Variants in PTCD2 observed in about 807,000 individuals in gnomAD.
PTCD2 encodes the protein pentatricopeptide repeat domain 2, also known as pentatricopeptide repeat-containing protein 2, mitochondrial.
Under a neutral mutation model 42.6 loss-of-function variants are expected in PTCD2, and 31 were observed. The ratio of observed to expected loss-of-function variants is 0.73; its 90% CI spans 0.55 to 0.98. The LOEUF is 0.98. Among genes scored for constraint, PTCD2 ranks in the 50% least tolerant of loss-of-function variants. PTCD2 has a pLI of 0.00. For missense variants in PTCD2, 476 were observed against 454.8 expected, an observed-to-expected ratio of 1.05 and a Z score of -0.42; for synonymous variants, 183 against 170.9, an observed-to-expected ratio of 1.07 and a Z score of -0.55.
At chr5:72,347,129 C>G (rs1274372859) in intron 8 of PTCD2, among the ~76,000 whole-genome samples, 1 of 152,116 alleles carries the variant, frequency 6.6e-6, no homozygotes, top group Non-Finnish European at 1.5e-5. Flanking sequence ...GTTCTCCCAA[C>G]TAAATAAATA....
At chr5:72,322,875 T>C (rs1750936308) in intron 2 of PTCD2, among the ~76,000 whole-genome samples, 1 of 152,200 alleles carries the variant, frequency 6.6e-6, no homozygotes, top group African/African-American at 2.4e-5. Context: ...AGGATTTGGC[T>C]GGGCATGATG....
chr5:72,340,956 T>G (rs1280563510), intron 7 of PTCD2, among the ~76,000 whole-genome samples: 3 of 131,508 alleles, frequency 2.3e-5, no homozygotes, highest in Non-Finnish European at 4.7e-5. Flanking sequence ...CCAGTTATTT[T>G]CTTTTCTTTT....
intron 7 of PTCD2, among the ~76,000 whole-genome samples, chr5:72,340,952 ATTTTC>A (rs1208400046): frequency 7.7e-6 from 1 of 130,152 alleles, no homozygotes; most frequent in Admixed American, 7.8e-5. Context: ...TCGGCCAGTT[ATTTTC>A]TTTTCTTTTC....
intron 6 of PTCD2, among the ~76,000 whole-genome samples, chr5:72,337,984 G>A (rs1243102850): frequency 6.6e-6 from 1 of 152,112 alleles, no homozygotes; most frequent in African/African-American, 2.4e-5. Context: ...ATTTTGACAG[G>A]AGTTGCAACT....
intron 4 of PTCD2, 37 bp downstream of exon 4, chr5:72,331,412 G>A (rs914176966): frequency 7.2e-6 from 10 of 1,387,432 alleles, no homozygotes; most frequent in Admixed American, 1.7e-5. Flanking sequence ...GCCAATGTGT[G>A]TGTTTTTGGT....
intron 3 of PTCD2, among the ~76,000 whole-genome samples, chr5:72,327,162 C>A (rs1034977170): frequency 1.3e-5 from 2 of 152,172 alleles, no homozygotes; most frequent in African/African-American, 2.4e-5. Flanking sequence ...CCTCTTGGTT[C>A]TACTTCCTTG....
rs1438870191 is a variant in PTCD2, at chr5:72,367,356, A to AGATGACTT, written c.*8930_*8937dup. ...AAGAAAGGACAGATGCCCTTGTTCA[A>AGATGACTT]GATGACTTCTTCATGGGCATCGATA... On this transcript the variant is annotated 3_prime_UTR_variant, in exon 10 of 10. Coordinates refer to ENST00000380639, the MANE Select transcript of PTCD2 (RefSeq NM_024754.5). The AGATGACTT allele has an allele frequency of 6.6e-6, 1 of 152,266 alleles. No individual in the cohort carries two copies. Among genetic ancestry groups the AGATGACTT allele is most frequent in the Admixed American group, 6.5e-5 (1 of 15,286 alleles). The allele number at this position is 152,266 out of a possible 1,614,324, so 9.4% of individuals were successfully genotyped here.
intron 8 of PTCD2, among the ~76,000 whole-genome samples, chr5:72,346,035 G>A (rs1434551389): frequency 6.6e-6 from 1 of 152,170 alleles, no homozygotes; most frequent in Non-Finnish European, 1.5e-5. Context: ...AGTATTTATG[G>A]TAAATTTTGG....
intron 3 of PTCD2, among the ~76,000 whole-genome samples, chr5:72,326,989 C>A (rs1751175428): frequency 6.6e-6 from 1 of 152,190 alleles, no homozygotes; most frequent in African/African-American, 2.4e-5. Context: ...AAAGAAGTTA[C>A]CAGCCTATCA....
chr5:72,348,363 A>G (rs563998635), intron 8 of PTCD2, among the ~76,000 whole-genome samples: 2 of 152,328 alleles, frequency 1.3e-5, no homozygotes, highest in Admixed American at 6.5e-5. Flanking sequence ...TTTTTCTGAT[A>G]TACTTTAAAA....
At chr5:72,334,941 A>G (rs184596563) in intron 4 of PTCD2, 77 bp from the exon 5 acceptor site, 204 of 836,290 alleles carry the variant, frequency 2.4e-4, no homozygotes, top group African/African-American at 2.4e-3. Flanking sequence ...AGACCTGGCT[A>G]GATAAGAGAC....
At chr5:72,320,682 G>A (rs989453402) in intron 1 of PTCD2, 173 bp downstream of exon 1, 3 of 789,274 alleles carry the variant, frequency 3.8e-6, no homozygotes, top group African/African-American at 3.5e-5. Flanking sequence ...GGGGGTCGTG[G>A]ATACCCCCAG....
At chr5:72,344,422 G>A (rs974737413) in intron 8 of PTCD2, among the ~76,000 whole-genome samples, 2 of 152,020 alleles carry the variant, frequency 1.3e-5, no homozygotes, top group African/African-American at 4.8e-5. Context: ...CTGAGGCAGG[G>A]GAATTGCTTG....
chr5:72,334,894 T>C (rs1320524047), intron 4 of PTCD2, 124 bp from the exon 5 acceptor site: 1 of 648,692 alleles, frequency 1.5e-6, no homozygotes. Flanking sequence ...TATTAGAGAA[T>C]TCAGAAGGCC....
chr5:72,326,633 A>G lies in PTCD2; in HGVS notation c.242A>G (p.Lys81Arg), dbSNP rs1447684956. Residue 81 changes from lysine to arginine, a missense_variant, in exon 3 of 10, where the codon AAA becomes AGA. Physicochemically the swap from Lys to Arg is conservative, Grantham distance 26. Transcript: ENST00000380639. The part of the protein sequence containing the change: ...GTKETYFRNL[K>R]KKLTQNKLIL... ...CCAGAAACGTATTTTAGAAACTTGA[A>G]AAAGAAACTGACCCAGAACAAGCTC... The G allele has an allele frequency of 1.9e-6, 3 of 1,614,210 alleles. No homozygotes were observed. The highest frequency in any genetic ancestry group is 1.7e-6 in the Non-Finnish European group (2 of 1,180,026).
intron 2 of PTCD2, among the ~76,000 whole-genome samples, chr5:72,325,693 T>G (rs1185351011): frequency 6.6e-6 from 1 of 152,254 alleles, no homozygotes; most frequent in African/African-American, 2.4e-5. Flanking sequence ...TTAGATGTAT[T>G]TGTGCCTCTC....
chr5:72,335,949 C>G (rs773433314), intron 6 of PTCD2, 64 bp downstream of exon 6: 13 of 879,548 alleles, frequency 1.5e-5, no homozygotes, highest in African/African-American at 5.0e-5. Context: ...GATTTTTCTT[C>G]TCTCTACAAA....
chr5:72,322,233 G>A lies in PTCD2; in HGVS notation c.189G>A (p.Val63=), dbSNP rs746297169. 6.2e-7 allele frequency: 1 copy of A among 1,600,578 alleles called. No homozygotes were observed. The highest frequency in any genetic ancestry group is 8.6e-7 in the Non-Finnish European group (1 of 1,168,182). The change falls in exon 2 of 10, where the codon GTG becomes GTA. Residue 63 remains valine (V), a synonymous_variant. Transcript: ENST00000380639. The part of the protein sequence containing the change: ...VKLKEFQQKK[V]AVACNLSGTK... ...TAAAAGAATTTCAACAAAAGAAAGT[G>A]GCTGTTGCATGTAATCTTTCTGGCA...
chr5:72,356,762 C>T (rs1752894246), intron 9 of PTCD2, among the ~76,000 whole-genome samples: 1 of 152,184 alleles, frequency 6.6e-6, no homozygotes, highest in Non-Finnish European at 1.5e-5. Context: ...AACATGAGGA[C>T]TAAACAAGCT....
Sources: allele counts gnomAD v4.1 joint callset (sites outside exome capture counted in the v4.1 genomes callset), GRCh38; gene constraint gnomAD v4.1.1; transcripts MANE v1.5; gene names NCBI Gene and HGNC (gene_info 2026-07-23, HGNC 2026-07-21).